The following OPHN1 variants were observed in gnomAD, a reference collection of about 807,000 sequenced individuals.
The protein encoded by OPHN1 is oligophrenin-1.
In OPHN1, 11 loss-of-function variants were observed where a neutral mutation model predicts 60.7. The observed-to-expected ratio is 0.18, with a 90% CI of 0.11 to 0.30. The LOEUF is 0.30. OPHN1 is among the 10% of genes least tolerant of loss of function. OPHN1 has a pLI of 1.00. For synonymous variants in OPHN1, 226 were observed against 222.6 expected, an observed-to-expected ratio of 1.02 and a Z score of -0.14; for missense variants, 449 against 611.0, an observed-to-expected ratio of 0.73 and a Z score of 2.80.
chrX:68,215,807 A>G (rs1001521747), intron 6 of OPHN1, among the ~76,000 whole-genome samples: 2 of 111,630 alleles, frequency 1.8e-5, no homozygotes, highest in East Asian at 2.8e-4. Flanking sequence ...TAAAATAAAG[A>G]CTTCCTCAAA....
intron 5 of OPHN1, among the ~76,000 whole-genome samples, chrX:68,264,187 T>C (rs897022798): frequency 8.1e-5 from 9 of 111,421 alleles, no homozygotes; most frequent in Non-Finnish European, 1.5e-4. Flanking sequence ...ATTCAGGACA[T>C]AGGCATGGGC....
At chrX:68,128,187 C>T (rs2077179485) in intron 15 of OPHN1, among the ~76,000 whole-genome samples, 1 of 109,665 alleles carries the variant, frequency 9.1e-6, no homozygotes, top group South Asian at 4.0e-4. Flanking sequence ...GTAGATAGGA[C>T]TATAGGCCCG....
chrX:68,235,849 C>A (rs2077750544), intron 5 of OPHN1, among the ~76,000 whole-genome samples: 1 of 108,846 alleles, frequency 9.2e-6, no homozygotes, highest in African/African-American at 3.3e-5. Flanking sequence ...GAGAGCAAGA[C>A]TCTGTTTCAG....
intron 15 of OPHN1, among the ~76,000 whole-genome samples, chrX:68,140,383 T>C (rs773375334): frequency 8.9e-6 from 1 of 112,282 alleles, no homozygotes; most frequent in East Asian, 2.8e-4. Context: ...GCAAAGACCA[T>C]GTACGATTTT....
intron 2 of OPHN1, among the ~76,000 whole-genome samples, chrX:68,340,899 G>T: frequency 9.3e-6 from 1 of 107,724 alleles, no homozygotes; most frequent in South Asian, 4.2e-4. Flanking sequence ...CAGCTACTCG[G>T]AGAGGCTGAG....
intron 6 of OPHN1, among the ~76,000 whole-genome samples, chrX:68,232,384 T>C (rs1039511467): frequency 1.8e-5 from 2 of 111,341 alleles, no homozygotes; most frequent in Non-Finnish European, 3.8e-5. Context: ...GGAAGCTAGG[T>C]AAAAGCTTCC....
In OPHN1 at chrX:68,372,439, G is replaced by A. The variant is rs190425206; in HGVS notation, c.154+60428C>T. On this transcript the variant is annotated intron_variant, in intron 2 of 24. Coordinates refer to ENST00000355520, the MANE Select transcript of OPHN1 (RefSeq NM_002547.3). ...ATATATTTTACCGAAATATGCCTCAGAACCTATGCTCTTGACCACTGTGTA... is the reference window on the plus strand; with the variant it reads ...ATATATTTTACCGAAATATGCCTCAAAACCTATGCTCTTGACCACTGTGTA... 5.0e-3 allele frequency among the ~76,000 whole-genome samples: 559 copies of A among 111,326 alleles called. 6 individuals carry two copies. Among genetic ancestry groups the A allele is most frequent in the African/African-American group, 0.017 (535 of 30,686 alleles).
At chrX:68,305,920 A>T (rs1015389428) in intron 2 of OPHN1, among the ~76,000 whole-genome samples, 1 of 112,314 alleles carries the variant, frequency 8.9e-6, no homozygotes, top group Non-Finnish European at 1.9e-5. Context: ...CACAGGAAAC[A>T]ATAGTCCATG....
chrX:68,134,924 C>T (rs752964801), intron 15 of OPHN1, among the ~76,000 whole-genome samples: 1 of 111,109 alleles, frequency 9.0e-6, no homozygotes, highest in East Asian at 2.9e-4. Context: ...TAGAAGTATA[C>T]ATTTATTTTT....
rs767235241 is a variant in OPHN1 at position 68,115,781 on chromosome X, G to A, written c.1362-2542C>T. ...TGATGTTGACAAAAAGAGTGAAACT[G>A]TGTACAATATTTTAAGAGATTTATT... On this transcript the variant is annotated intron_variant, in intron 16 of 24. Transcript: ENST00000355520. 1.8e-4 allele frequency among the ~76,000 whole-genome samples: 20 copies of A among 111,888 alleles called. 1 individual carries two copies. The highest frequency in any genetic ancestry group is 3.2e-4 in the Non-Finnish European group (17 of 53,197).
intron 2 of OPHN1, among the ~76,000 whole-genome samples, chrX:68,339,077 GAA>G (rs202083174): frequency 4.1e-4 from 38 of 92,160 alleles, no homozygotes; most frequent in Admixed American, 2.1e-3. Flanking sequence ...GACCCTGTCT[GAA>G]AAAAAAAAAT....
intron 2 of OPHN1, among the ~76,000 whole-genome samples, chrX:68,380,255 T>C (rs1331433809): frequency 1.8e-5 from 2 of 111,704 alleles, no homozygotes; most frequent in Non-Finnish European, 3.8e-5. Flanking sequence ...AGTTTGTATG[T>C]CTGTGGGATC....
chrX:68,229,416 A>G (rs1463160677), intron 6 of OPHN1, among the ~76,000 whole-genome samples: 1 of 111,834 alleles, frequency 8.9e-6, no homozygotes, highest in Non-Finnish European at 1.9e-5. Context: ...AAACTACTTT[A>G]AAGTTCATAT....
In OPHN1 at chrX:68,073,313, A is replaced by C. The variant is rs1304291839; in HGVS notation, c.1687-14T>G. The C allele has an allele frequency of 8.4e-7, 1 of 1,190,845 alleles. No homozygotes were observed. Among genetic ancestry groups the C allele is most frequent in the South Asian group, 1.9e-5 (1 of 53,391 alleles). On this transcript the variant is annotated splice_polypyrimidine_tract_variant and intron_variant, in intron 19 of 24. Transcript: ENST00000355520. ...ACCTAAATAGATCTGTGGAGAAAGA[A>C]GGAAGATATCTAGAGAATAATTAGA... is the stretch of plus-strand genomic sequence containing the variant.
intron 10 of OPHN1, among the ~76,000 whole-genome samples, chrX:68,202,972 C>T (rs752375427): frequency 2.7e-5 from 3 of 111,222 alleles, no homozygotes; most frequent in Non-Finnish European, 5.7e-5. Flanking sequence ...AGCTATGTGA[C>T]CCTGGCCAAA....
At chrX:68,353,159 CA>C (rs1241333192) in intron 2 of OPHN1, among the ~76,000 whole-genome samples, 1 of 105,038 alleles carries the variant, frequency 9.5e-6, no homozygotes. Flanking sequence ...CTGTCTCAAA[CA>C]AAAAAAAAGA....
intron 1 of OPHN1, 21 bp downstream of exon 1, chrX:68,433,147 G>T: frequency 2.8e-6 from 2 of 702,137 alleles, no homozygotes; most frequent in Non-Finnish European, 4.1e-6. Flanking sequence ...CATAGCCTCC[G>T]TCCCTTTGGA....
At chrX:68,236,375 C>A (rs2077753085) in intron 5 of OPHN1, among the ~76,000 whole-genome samples, 1 of 112,134 alleles carries the variant, frequency 8.9e-6, no homozygotes, top group South Asian at 3.7e-4. Flanking sequence ...CCTTCAAATT[C>A]AATTTTTAAA....
At position 68,238,408 on chromosome X, in the gene OPHN1, C is replaced by CT. The variant is rs60720599; in HGVS notation, c.385-3821dup. On this transcript the variant is annotated intron_variant, in intron 5 of 24. Transcript: ENST00000355520. ...GTAGAGAAAATCTCCCTTCTTTTGTCTTTTTTTTTTTAAGGTTAACTTAGC... is the reference window on the plus strand; with the variant it reads ...GTAGAGAAAATCTCCCTTCTTTTGTCTTTTTTTTTTTTAAGGTTAACTTAGC... 8.5e-3 allele frequency among the ~76,000 whole-genome samples: 861 copies of CT among 101,432 alleles called. 2 individuals are homozygous for CT. The highest frequency in any genetic ancestry group is 0.01 in the African/African-American group (289 of 28,216). 88.1% of individuals were successfully genotyped at this position (101,432 alleles called of 115,157 possible). A position where few individuals can be genotyped will look rare whatever the true frequency, so the allele number is the denominator to read the frequency against.
Sources: allele counts gnomAD v4.1 joint callset (sites outside exome capture counted in the v4.1 genomes callset), GRCh38; gene constraint gnomAD v4.1.1; transcripts MANE v1.5; gene names NCBI Gene and HGNC (gene_info 2026-07-23, HGNC 2026-07-21).